The following ENTREP2 variants were observed in gnomAD, a reference collection of about 807,000 sequenced individuals.
The protein encoded by ENTREP2 is endosomal transmembrane epsin interactor 2, also known as protein ENTREP2.
chr15:29,156,546 C>T, the ENTREP2 span, among the ~76,000 whole-genome samples: 1 of 152,082 alleles, frequency 6.6e-6, no homozygotes, highest in Non-Finnish European at 1.5e-5. Flanking sequence ...GGGCCTAGCA[C>T]AGAACTATAG....
chr15:29,245,287 A>G, the ENTREP2 span, among the ~76,000 whole-genome samples: 1 of 152,232 alleles, frequency 6.6e-6, no homozygotes, highest in Admixed American at 6.5e-5. Flanking sequence ...AGAAAACTAT[A>G]AAAGTGTAGT....
the ENTREP2 span, among the ~76,000 whole-genome samples, chr15:29,306,664 ATTTTTTTTTTTTTTTTTTTTTTTTTTTTT>A: frequency 1.2e-4 from 9 of 77,338 alleles, no homozygotes; most frequent in Admixed American, 6.2e-4. Context: ...ATAATTGGTA[ATTTTTTTTTTTTTTTTTTTTTTTTTTTTT>A]TTTTTTTTTT....
the ENTREP2 span, among the ~76,000 whole-genome samples, chr15:29,132,088 G>A: frequency 6.6e-6 from 1 of 152,122 alleles, no homozygotes; most frequent in African/African-American, 2.4e-5. Flanking sequence ...CTCCCCGACA[G>A]AGCCCGCCTT....
chr15:29,651,908 G>A, the ENTREP2 span, among the ~76,000 whole-genome samples: 1 of 152,218 alleles, frequency 6.6e-6, no homozygotes, highest in Non-Finnish European at 1.5e-5. Flanking sequence ...CTGGGTGGCA[G>A]GGGGTGGGTC....
At chr15:29,548,457 A>AAAAAAAG in the ENTREP2 span, among the ~76,000 whole-genome samples, 1 of 151,856 alleles carries the variant, frequency 6.6e-6, no homozygotes, top group Non-Finnish European at 1.5e-5. Flanking sequence ...TCTGCCTAAA[A>AAAAAAAG]AAAAAAAAAA....
At chr15:29,341,320 C>A in the ENTREP2 span, among the ~76,000 whole-genome samples, 2 of 152,212 alleles carry the variant, frequency 1.3e-5, no homozygotes, top group Non-Finnish European at 2.9e-5. Context: ...TTTCAACATT[C>A]GATCAGTTAT....
the ENTREP2 span, among the ~76,000 whole-genome samples, chr15:29,674,185 G>C: frequency 6.8e-6 from 1 of 147,948 alleles, no homozygotes; most frequent in Non-Finnish European, 1.5e-5. Context: ...GGACCAGGAA[G>C]CCTGTATCAA....
chr15:29,208,241 G>A, the ENTREP2 span, among the ~76,000 whole-genome samples: 1 of 147,338 alleles, frequency 6.8e-6, no homozygotes, highest in Non-Finnish European at 1.5e-5. Flanking sequence ...GAGGAAGCTG[G>A]CACACAACGT....
the ENTREP2 span, among the ~76,000 whole-genome samples, chr15:29,423,334 C>T: frequency 6.6e-6 from 1 of 152,014 alleles, no homozygotes; most frequent in African/African-American, 2.4e-5. Context: ...ATGAAAATTC[C>T]TTCTTCTGAC....
the ENTREP2 span, among the ~76,000 whole-genome samples, chr15:29,278,459 G>A: frequency 2.6e-5 from 4 of 152,294 alleles, no homozygotes; most frequent in East Asian, 7.7e-4. Context: ...TTGTTCTTTG[G>A]GAGAGGCAGG....
At chr15:29,425,871 AACC>A in the ENTREP2 span, among the ~76,000 whole-genome samples, 1 of 152,024 alleles carries the variant, frequency 6.6e-6, no homozygotes, top group Non-Finnish European at 1.5e-5. Context: ...TTATCAAAAC[AACC>A]ACATTAGTGT....
At chr15:29,666,424 C>T in the ENTREP2 span, among the ~76,000 whole-genome samples, 1 of 151,870 alleles carries the variant, frequency 6.6e-6, no homozygotes, top group Non-Finnish European at 1.5e-5. Context: ...CTCACCCCCA[C>T]CCTCGCCCAG....
chr15:29,593,446 C>A, the ENTREP2 span, among the ~76,000 whole-genome samples: 1 of 152,164 alleles, frequency 6.6e-6, no homozygotes, highest in Non-Finnish European at 1.5e-5. Context: ...CTCTTGACTC[C>A]TCCTCTGTAT....
the ENTREP2 span, among the ~76,000 whole-genome samples, chr15:29,584,312 C>T: frequency 4.6e-5 from 7 of 152,202 alleles, no homozygotes; most frequent in Non-Finnish European, 1.0e-4. Context: ...CTGAAGAAAA[C>T]AAAATCTATA....
chr15:29,663,714 G>T, the ENTREP2 span, among the ~76,000 whole-genome samples: 5 of 152,112 alleles, frequency 3.3e-5, no homozygotes, highest in African/African-American at 1.2e-4. Flanking sequence ...GGCCTGTTGT[G>T]GGGGAGGGGG....
chr15:29,140,410 C>G, the ENTREP2 span, among the ~76,000 whole-genome samples: 46 of 152,300 alleles, frequency 3.0e-4, no homozygotes, highest in African/African-American at 1.0e-3. Context: ...TTTTCTGTCT[C>G]TGTAATTTGG....
the ENTREP2 span, among the ~76,000 whole-genome samples, chr15:29,347,767 C>G: frequency 4.6e-5 from 7 of 152,216 alleles, no homozygotes; most frequent in Non-Finnish European, 1.0e-4. Context: ...AAGGGCTCAT[C>G]AGGAGTCTAC....
the ENTREP2 span, among the ~76,000 whole-genome samples, chr15:29,381,337 AT>A: frequency 6.6e-6 from 1 of 150,638 alleles, no homozygotes; most frequent in Non-Finnish European, 1.5e-5. Flanking sequence ...GGCACCTGTA[AT>A]TCCAGCTATT....
At chr15:29,642,937 G>T in the ENTREP2 span, among the ~76,000 whole-genome samples, 4 of 152,124 alleles carry the variant, frequency 2.6e-5, no homozygotes, top group East Asian at 7.7e-4. Context: ...AACAAATGGT[G>T]CTGGGACAAC....
Sources: gnomAD v4.1 joint callset for allele counts (sites outside exome capture counted in the v4.1 genomes callset) on GRCh38, gnomAD v4.1.1 for gene constraint, MANE v1.5 for transcripts, NCBI Gene and HGNC (gene_info 2026-07-23, HGNC 2026-07-21) for gene names.